HTD2: variants seen among roughly 807,000 people sequenced by gnomAD.
The protein encoded by HTD2 is hydroxyacyl-thioester dehydratase type 2.
In HTD2, 1 loss-of-function variant was observed where a neutral mutation model predicts 3.1. That is an observed-to-expected ratio of 0.32 (90% CI 0.11 to 1.52). HTD2 has a LOEUF of 1.52. HTD2 is among the 40% of genes most tolerant of loss of function. The pLI is 0.39. For missense variants in HTD2, 150 were observed against 79.6 expected, an observed-to-expected ratio of 1.88 and a Z score of -3.36; for synonymous variants, 50 against 28.9, an observed-to-expected ratio of 1.73 and a Z score of -2.34.
intron 1 of HTD2, chr3:58,307,821 A>G (rs1559791820): frequency 6.6e-6 from 1 of 152,042 alleles, no homozygotes; most frequent in Non-Finnish European, 1.5e-5. Context: ...CCTCTCCTTT[A>G]ATGTCAGAAC....
In HTD2 at chr3:58,319,029, A is replaced by G; in HGVS notation, c.*909A>G. The G allele has an allele frequency of 6.6e-6, 1 of 152,110 alleles. No homozygotes were observed. Among genetic ancestry groups the G allele is most frequent in the East Asian group, 1.9e-4 (1 of 5,196 alleles). 9.4% of individuals were successfully genotyped at this position (152,110 alleles called of 1,614,324 possible). Reference sequence around the variant, plus strand: ...AAAGATTCTACTTTTAGAAATTCAGACCTAGATAGATTTGCATTTGGATAA... The same window carrying G: ...AAAGATTCTACTTTTAGAAATTCAGGCCTAGATAGATTTGCATTTGGATAA... On this transcript the variant is annotated 3_prime_UTR_variant, in exon 5 of 5. Transcript: ENST00000461393.
In HTD2 at chr3:58,317,757, C is replaced by T. The variant is rs1359521784; in HGVS notation, c.144C>T (p.Phe48=). ...ACCGCGCTGAACTTAGGAGGGCCTTCACACAGACTGATGTGGCTACCTTCT... is the reference window on the plus strand; with the variant it reads ...ACCGCGCTGAACTTAGGAGGGCCTTTACACAGACTGATGTGGCTACCTTCT... ...VGDRAELRRA[F]TQTDVATFSE... The change falls in exon 5 of 5, where the codon TTC becomes TTT. Residue 48 remains phenylalanine (F), a synonymous_variant. Transcript: ENST00000461393. The T allele has an allele frequency of 1.4e-6, 1 of 703,134 alleles. No homozygotes were observed. Among genetic ancestry groups the T allele is most frequent in the Non-Finnish European group, 2.6e-6 (1 of 385,014 alleles). The allele number at this position is 703,134 out of a possible 1,614,324, so 43.6% of individuals were successfully genotyped here.
Position 58,310,545 on chromosome 3 carries a change from AGTTCAAACAGCTGCT to A in HTD2, c.-376_-362del, listed in dbSNP as rs1232195189. On this transcript the variant is annotated 5_prime_UTR_variant, in exon 2 of 5. Transcript: ENST00000461393. ...TGTGGAGTTGGACTGAATGCTGCAC[AGTTCAAACAGCTGCT>A]TATTTCGGCTGTGAAGGACCTGTTT... The A allele has an allele frequency of 1.1e-5, 18 of 1,613,042 alleles. No individual in the cohort carries two copies. The highest frequency in any genetic ancestry group is 1.5e-5 in the Non-Finnish European group (18 of 1,179,720).
intron 1 of HTD2, among the ~76,000 whole-genome samples, chr3:58,306,932 A>T (rs1171134428): frequency 6.6e-6 from 1 of 152,210 alleles, no homozygotes; most frequent in Non-Finnish European, 1.5e-5. Flanking sequence ...AGAAGAAAGC[A>T]GGGACGGGGC....
intron 1 of HTD2, among the ~76,000 whole-genome samples, chr3:58,307,496 C>T (rs1042825372): frequency 3.3e-5 from 5 of 152,140 alleles, no homozygotes; most frequent in Admixed American, 3.3e-4. Context: ...GGGCCGAGGT[C>T]GGCGGATCAC....
At position 58,319,946 on chromosome 3, in the gene HTD2, A is replaced by G. The variant is rs949577195; in HGVS notation, c.*1826A>G. On this transcript the variant is annotated 3_prime_UTR_variant, in exon 5 of 5. Coordinates refer to ENST00000461393, the MANE Select transcript of HTD2 (RefSeq NM_001348712.2). Reference sequence around the variant, plus strand: ...TCAATTTTTTATAGCATTTTTCATCACCCCCAAAAGAACCTCCCATTAGCA... The same window carrying G: ...TCAATTTTTTATAGCATTTTTCATCGCCCCCAAAAGAACCTCCCATTAGCA... 3 of 151,920 alleles carry G rather than the reference A, an allele frequency of 2.0e-5. No homozygotes were observed. The highest frequency in any genetic ancestry group is 4.4e-5 in the Non-Finnish European group (3 of 67,982). The allele number at this position is 151,920 out of a possible 1,614,324, so 9.4% of individuals were successfully genotyped here. A position where few individuals can be genotyped will look rare whatever the true frequency, so the allele number is the denominator to read the frequency against.
chr3:58,317,972 T>TTGGAGAAGTTGTTTTAGCTTC lies in HTD2; in HGVS notation c.362_382dup (p.Gly121_Ser127dup), dbSNP rs2097490166. ...ATTAGCTTTCCAGCCCCTTTATATA[T>TTGGAGAAGTTGTTTTAGCTTC]TGGAGAAGTTGTTTTAGCTTCTGCA... On this transcript the variant is annotated inframe_insertion, in exon 5 of 5. Coordinates refer to ENST00000461393, the MANE Select transcript of HTD2 (RefSeq NM_001348712.2). The TTGGAGAAGTTGTTTTAGCTTC allele has an allele frequency of 1.4e-6, 1 of 702,896 alleles. No homozygotes were observed. Among genetic ancestry groups the TTGGAGAAGTTGTTTTAGCTTC allele is most frequent in the Non-Finnish European group, 2.6e-6 (1 of 385,018 alleles). The allele number at this position is 702,896 out of a possible 1,614,324, so 43.5% of individuals were successfully genotyped here.
intron 2 of HTD2, among the ~76,000 whole-genome samples, chr3:58,313,737 AT>A (rs1188009137): frequency 6.6e-6 from 1 of 152,146 alleles, no homozygotes; most frequent in African/African-American, 2.4e-5. Flanking sequence ...AGGTGGGAGG[AT>A]TGCTTGAGCC....
chr3:58,314,080 G>A (rs1438801283), intron 2 of HTD2, among the ~76,000 whole-genome samples: 1 of 152,228 alleles, frequency 6.6e-6, no homozygotes, highest in Non-Finnish European at 1.5e-5. Context: ...ATGGGGCGTG[G>A]TGGCTCATGC....
chr3:58,314,450 G>T (rs1261588804), intron 2 of HTD2, among the ~76,000 whole-genome samples: 1 of 152,164 alleles, frequency 6.6e-6, no homozygotes, highest in African/African-American at 2.4e-5. Flanking sequence ...TTTTGCTAAA[G>T]AGAATGTGTG....
At chr3:58,315,476 G>A (rs2097487295) in intron 2 of HTD2, among the ~76,000 whole-genome samples, 1 of 152,162 alleles carries the variant, frequency 6.6e-6, no homozygotes. Context: ...GTTATATGAA[G>A]CTACCTATGT....
intron 1 of HTD2, among the ~76,000 whole-genome samples, chr3:58,308,836 G>A (rs901875601): frequency 6.6e-6 from 1 of 151,268 alleles, no homozygotes; most frequent in East Asian, 1.9e-4. Flanking sequence ...TTAGAGAAGG[G>A]TGTCAGAGAA....
chr3:58,311,247 C>G (rs1052555670), intron 2 of HTD2, among the ~76,000 whole-genome samples: 5 of 152,188 alleles, frequency 3.3e-5, no homozygotes, highest in South Asian at 2.1e-4. Flanking sequence ...CTCTGCCTCC[C>G]AGATTCAAGG....
At chr3:58,315,070 CT>C (rs2097486874) in intron 2 of HTD2, among the ~76,000 whole-genome samples, 1 of 152,140 alleles carries the variant, frequency 6.6e-6, no homozygotes, top group African/African-American at 2.4e-5. Context: ...GGACTGAAAA[CT>C]TAAGTTCACA....
chr3:58,317,043 A>G (rs749867738), intron 4 of HTD2, 50 bp downstream of exon 4: 11 of 1,309,524 alleles, frequency 8.4e-6, no homozygotes, highest in East Asian at 4.6e-5. Context: ...TGATGGGTCA[A>G]CTGCTTCTTA....
intron 1 of HTD2, among the ~76,000 whole-genome samples, chr3:58,309,660 G>A (rs1426418539): frequency 6.6e-6 from 1 of 152,206 alleles, no homozygotes; most frequent in Non-Finnish European, 1.5e-5. Context: ...GGGAGGCCGA[G>A]GCAGGCGTAT....
At chr3:58,316,668 TGAG>T (rs2097488595) in intron 3 of HTD2, 77 bp downstream of exon 3, 1 of 1,319,798 alleles carries the variant, frequency 7.6e-7, no homozygotes, top group African/African-American at 1.5e-5. Flanking sequence ...CTTCTGAGAA[TGAG>T]AATAAATTTT....
Position 58,316,510 on chromosome 3 carries a change from T to C in HTD2, c.-330-5T>C, listed in dbSNP as rs750809824. 3 of 1,612,252 alleles carry C rather than the reference T, an allele frequency of 1.9e-6. No individual in the cohort carries two copies. Among genetic ancestry groups the C allele is most frequent in the East Asian group, 2.2e-5 (1 of 44,866 alleles). ...AGCCTGCTAATAGCATTATTCCATA[T>C]GCAGGTTGATGCCGCCTTACCTTTG... On this transcript the variant is annotated splice_region_variant and splice_polypyrimidine_tract_variant and intron_variant, in intron 2 of 4. Transcript: ENST00000461393.
intron 2 of HTD2, among the ~76,000 whole-genome samples, chr3:58,312,573 T>C (rs1474390954): frequency 6.6e-6 from 1 of 152,166 alleles, no homozygotes; most frequent in Non-Finnish European, 1.5e-5. Flanking sequence ...TGTAGCACAG[T>C]GCTACTCAAA....
Sources: allele counts gnomAD v4.1 joint callset (sites outside exome capture counted in the v4.1 genomes callset), GRCh38; gene constraint gnomAD v4.1.1; transcripts MANE v1.5; gene names NCBI Gene and HGNC (gene_info 2026-07-23, HGNC 2026-07-21).